Variants in ARHGEF10L observed in about 807,000 individuals in gnomAD.
The protein encoded by ARHGEF10L is Rho guanine nucleotide exchange factor 10 like.
ARHGEF10L carries 69 observed loss-of-function variants against 141.2 expected under a neutral mutation model. The observed-to-expected ratio is 0.49, with a 90% CI of 0.40 to 0.60. The LOEUF is 0.60. Ranked by LOEUF, ARHGEF10L falls within the 20% of genes least tolerant of loss-of-function variation. The pLI, the probability that ARHGEF10L is intolerant of heterozygous loss-of-function variation, is 0.00. For missense variants in ARHGEF10L, 1,482 were observed against 1,734.3 expected, an observed-to-expected ratio of 0.85 and a Z score of 2.58; for synonymous variants, 711 against 718.5, an observed-to-expected ratio of 0.99 and a Z score of 0.17.
chr1:17,525,809 C>T, the ARHGEF10L span, among the ~76,000 whole-genome samples: 1 of 151,772 alleles, frequency 6.6e-6, no homozygotes, highest in East Asian at 1.9e-4. Flanking sequence ...CTGAAACCAG[C>T]CTGGCCAACA....
the ARHGEF10L span, among the ~76,000 whole-genome samples, chr1:17,516,125 T>C: frequency 6.6e-6 from 1 of 152,234 alleles, no homozygotes; most frequent in Non-Finnish European, 1.5e-5. Flanking sequence ...TCCAGTGTGC[T>C]GGGGGAGCCG....
chr1:17,649,572 C>T (rs1237649497), intron 22 of ARHGEF10L, among the ~76,000 whole-genome samples: 1 of 152,220 alleles, frequency 6.6e-6, no homozygotes, highest in Non-Finnish European at 1.5e-5. Context: ...ATTTTCTGAG[C>T]ACCTGTTGTG....
upstream of ARHGEF10L, among the ~76,000 whole-genome samples, chr1:17,536,532 C>T (rs1391476021): frequency 3.9e-5 from 6 of 152,072 alleles, no homozygotes; most frequent in African/African-American, 9.7e-5. Context: ...GAGGCGGGTG[C>T]ATGTCAAGAG....
In ARHGEF10L at chr1:17,656,430, C is replaced by A; in HGVS notation, c.2706-124C>A. 8.0e-7 allele frequency: 1 copy of A among 1,249,328 alleles called. No individual in the cohort carries two copies. The highest frequency in any genetic ancestry group is 1.1e-6 in the Non-Finnish European group (1 of 891,970). The allele number at this position is 1,249,328 out of a possible 1,614,324, so 77.4% of individuals were successfully genotyped here. On this transcript the variant is annotated intron_variant, in intron 24 of 28. Coordinates refer to ENST00000361221, the MANE Select transcript of ARHGEF10L (RefSeq NM_018125.4). The surrounding 1 kb of genome is among the most constrained non-coding windows in gnomAD (Gnocchi z 4.9). ...ATGGTGGAGCTATGGCCTGGCCACA[C>A]AGCCGAAAGGCGTGGCTGAGAGGGG...
chr1:17,664,556 C>T lies in ARHGEF10L; in HGVS notation c.2970C>T (p.Pro990=), dbSNP rs1172219603. 3 of 1,606,260 alleles carry T rather than the reference C, an allele frequency of 1.9e-6. No homozygotes were observed. The highest frequency in any genetic ancestry group is 2.5e-6 in the Non-Finnish European group (3 of 1,178,568). ...ATGCCGTGTGGGCCAGCTGTGGGCC[C>T]CGGGTCACTGTCCTGGAAGCCACCA... ...LEDAVWASCG[P]RVTVLEATTL... The change falls in exon 26 of 29, where the codon CCC becomes CCT. Residue 990 remains proline, a synonymous_variant. Transcript: ENST00000361221.
intron 1 of ARHGEF10L, among the ~76,000 whole-genome samples, chr1:17,545,027 A>C (rs752640196): frequency 3.3e-5 from 5 of 152,126 alleles, no homozygotes; most frequent in Non-Finnish European, 1.5e-5. Flanking sequence ...CATGACATGC[A>C]GGGATTATGG....
Position 17,629,191 on chromosome 1 carries a change from A to ATT in ARHGEF10L, c.1584+1703_1584+1704dup, listed in dbSNP as rs78642950. On this transcript the variant is annotated intron_variant, in intron 15 of 28. Transcript: ENST00000361221. ...ACGAGCTACCACACCCAGCTAATTA[A>ATT]TTTTTTTTTTTTTTTTGTAGAGATG... 1.8e-4 allele frequency among the ~76,000 whole-genome samples: 26 copies of ATT among 141,238 alleles called. No individual in the cohort carries two copies. The South Asian group carries it at 2.7e-3, about 15-fold the overall frequency. 92.7% of individuals were successfully genotyped at this position (141,238 alleles called of 152,430 possible). A position where few individuals can be genotyped will look rare whatever the true frequency, so the allele number is the denominator to read the frequency against.
At chr1:17,652,942 T>C (rs1159422425) in intron 22 of ARHGEF10L, among the ~76,000 whole-genome samples, 1 of 152,228 alleles carries the variant, frequency 6.6e-6, no homozygotes, top group Non-Finnish European at 1.5e-5. Context: ...CAGCCAGAAC[T>C]GCTGTTGGCC....
chr1:17,602,260 G>A lies in ARHGEF10L; in HGVS notation c.349+42G>A, dbSNP rs773084545. The A allele has an allele frequency of 3.0e-5, 46 of 1,541,882 alleles. No homozygotes were observed. The African/African-American group carries it at 4.8e-4, about 16-fold the overall frequency. On this transcript the variant is annotated intron_variant, in intron 5 of 28. Coordinates refer to ENST00000361221, the MANE Select transcript of ARHGEF10L (RefSeq NM_018125.4). Reference sequence around the variant, plus strand: ...GCCCACCGCCCACCCCAGGTAGCAAGCTCCAGGATATTCTAGTCTTTCTAA... The same window carrying A: ...GCCCACCGCCCACCCCAGGTAGCAAACTCCAGGATATTCTAGTCTTTCTAA...
rs371549569 is a variant in ARHGEF10L at position 17,641,496 on chromosome 1, G to A, written c.2272+1194G>A. ...AATACAAAAAATTAGCCTGGCACAC[G>A]CCTGTAGTCCCAGCTACTCGGGAGG... On this transcript the variant is annotated intron_variant, in intron 21 of 28. Transcript: ENST00000361221. Among the ~76,000 whole-genome samples the A allele has an allele frequency of 4.0e-5, 6 of 151,690 alleles. No homozygotes were observed. In the East Asian group the frequency reaches 5.8e-4, roughly 15 times the overall value.
At chr1:17,562,533 T>C (rs1345586365) in intron 1 of ARHGEF10L, among the ~76,000 whole-genome samples, 2 of 152,208 alleles carry the variant, frequency 1.3e-5, no homozygotes, top group Non-Finnish European at 2.9e-5. Context: ...CTGGTTTTAG[T>C]AGAGTCTCAG....
At position 17,588,878 on chromosome 1, in the gene ARHGEF10L, G is replaced by GTGTGTGTC. The variant is rs1433583980; in HGVS notation, c.257+406_257+407insCTGTGTGT. Among the ~76,000 whole-genome samples, 48 of 82,342 alleles carry GTGTGTGTC rather than the reference G, an allele frequency of 5.8e-4. 2 individuals are homozygous for GTGTGTGTC. The South Asian group carries it at 0.011, about 20-fold the overall frequency. 54.0% of individuals were successfully genotyped at this position (82,342 alleles called of 152,430 possible). On this transcript the variant is annotated intron_variant, in intron 4 of 28. Transcript: ENST00000361221. Reference sequence around the variant, plus strand: ...TGTGTGTGTGTGTGTGTGTGTGTGTGTGTGTGTGTGTGTGTGTGTGTAGTG... The same window carrying GTGTGTGTC: ...TGTGTGTGTGTGTGTGTGTGTGTGTGTGTGTGTCTGTGTGTGTGTGTGTGTGTGTAGTG...
intron 1 of ARHGEF10L, among the ~76,000 whole-genome samples, chr1:17,560,396 G>A (rs569786631): frequency 2.0e-5 from 3 of 152,172 alleles, no homozygotes; most frequent in African/African-American, 7.2e-5. Context: ...TGTATCAGAG[G>A]CACCTGAGGT....
At chr1:17,601,065 A>AC (rs1553187678) in intron 4 of ARHGEF10L, among the ~76,000 whole-genome samples, 28 of 143,908 alleles carry the variant, frequency 1.9e-4, no homozygotes, top group South Asian at 6.5e-4. Context: ...AAAAAAAAAA[A>AC]AAACAAAAAA....
At position 17,689,742 on chromosome 1, in the gene ARHGEF10L, A is replaced by T. The variant is rs1156760231; in HGVS notation, c.3184+1995A>T. On this transcript the variant is annotated intron_variant, in intron 27 of 28. Transcript: ENST00000361221. ...TCTCCACATTTCCTCTGATAGCTAA[A>T]TTATTTCAAGTTAGTGGAACAATGA... The T allele has an allele frequency of 1.3e-5, 6 of 454,650 alleles. No individual in the cohort carries two copies. The Admixed American group carries it at 1.4e-4, about 11-fold the overall frequency. 28.2% of individuals were successfully genotyped at this position (454,650 alleles called of 1,614,324 possible). A position where few individuals can be genotyped will look rare whatever the true frequency, so the allele number is the denominator to read the frequency against.
chr1:17,519,375 C>G, the ARHGEF10L span, among the ~76,000 whole-genome samples: 2 of 152,034 alleles, frequency 1.3e-5, no homozygotes, highest in South Asian at 4.2e-4. Context: ...TTTGGGAGGC[C>G]TAGGCAGGAG....
chr1:17,590,718 G>T (rs1490269097), intron 4 of ARHGEF10L, among the ~76,000 whole-genome samples: 1 of 152,188 alleles, frequency 6.6e-6, no homozygotes, highest in Non-Finnish European at 1.5e-5. Context: ...CTGGTGAAGT[G>T]GCTCACGCCT....
chr1:17,536,796 G>A (rs2076582135), upstream of ARHGEF10L, among the ~76,000 whole-genome samples: 1 of 152,162 alleles, frequency 6.6e-6, no homozygotes, highest in Non-Finnish European at 1.5e-5. Context: ...GGGCCCTGCA[G>A]AGTGTGGCCC....
chr1:17,543,021 C>G (rs2076785395), intron 1 of ARHGEF10L, among the ~76,000 whole-genome samples: 1 of 152,148 alleles, frequency 6.6e-6, no homozygotes, highest in Non-Finnish European at 1.5e-5. Context: ...CAGAGTTGTT[C>G]CGCCCCATGG....
Sources: allele counts gnomAD v4.1 joint callset (sites outside exome capture counted in the v4.1 genomes callset), GRCh38; gene constraint gnomAD v4.1.1; non-coding constraint Gnocchi (gnomAD v3.1); transcripts MANE v1.5; gene names NCBI Gene and HGNC (gene_info 2026-07-23, HGNC 2026-07-21).